The following TTC28 variants were observed in gnomAD, a reference collection of about 807,000 sequenced individuals.
TTC28 encodes the protein tetratricopeptide repeat domain 28.
In TTC28, 61 loss-of-function variants were observed where a neutral mutation model predicts 198.0. The observed-to-expected ratio is 0.31, with a 90% CI of 0.25 to 0.38. The LOEUF is 0.38. Ranked by LOEUF, TTC28 falls within the 10% of genes least tolerant of loss-of-function variation. The pLI is 1.00. For synonymous variants in TTC28, 1,171 were observed against 1,297.8 expected, an observed-to-expected ratio of 0.90 and a Z score of 2.10; for missense variants, 2,678 against 3,164.0, an observed-to-expected ratio of 0.85 and a Z score of 3.69.
At chr22:28,505,162 CAGG>C (rs1415043939) in intron 2 of TTC28, among the ~76,000 whole-genome samples, 2 of 143,006 alleles carry the variant, frequency 1.4e-5, no homozygotes. Flanking sequence ...GAGGGTGAGG[CAGG>C]AGAACTGCTT....
intron 6 of TTC28, among the ~76,000 whole-genome samples, chr22:28,109,135 ATAACAATACACG>A (rs1165585289): frequency 3.3e-5 from 5 of 152,244 alleles, no homozygotes; most frequent in African/African-American, 1.2e-4. Context: ...AAAAGATTGC[ATAACAATACACG>A]TAACAACCTT....
chr22:28,335,945 T>G (rs1320881020), intron 2 of TTC28, among the ~76,000 whole-genome samples: 2 of 152,232 alleles, frequency 1.3e-5, no homozygotes, highest in South Asian at 4.1e-4. Flanking sequence ...TTCCAGTTTT[T>G]GGCCATTCAG....
chr22:28,222,831 C>A (rs902961502), intron 5 of TTC28, among the ~76,000 whole-genome samples: 8 of 152,144 alleles, frequency 5.3e-5, no homozygotes, highest in African/African-American at 1.9e-4. Flanking sequence ...CTGTACAAGC[C>A]CTTTTCAGCC....
chr22:28,469,766 A>T (rs1213237643), intron 2 of TTC28, among the ~76,000 whole-genome samples: 4 of 152,218 alleles, frequency 2.6e-5, no homozygotes, highest in Admixed American at 2.6e-4. Context: ...GAGCCTAGTG[A>T]AATTAATTTC....
At chr22:28,561,616 G>A (rs555043419) in intron 2 of TTC28, among the ~76,000 whole-genome samples, 3 of 152,022 alleles carry the variant, frequency 2.0e-5, no homozygotes, top group African/African-American at 4.8e-5. Context: ...GTTCCCCATC[G>A]CCTCTTAGGT....
At chr22:28,207,829 C>T (rs1034384472) in intron 5 of TTC28, among the ~76,000 whole-genome samples, 2 of 151,970 alleles carry the variant, frequency 1.3e-5, no homozygotes, top group African/African-American at 4.8e-5. Context: ...TTAAATGAAT[C>T]ACATAGACTG....
At chr22:28,454,987 G>A (rs1333848753) in intron 2 of TTC28, among the ~76,000 whole-genome samples, 1 of 152,056 alleles carries the variant, frequency 6.6e-6, no homozygotes, top group Non-Finnish European at 1.5e-5. Context: ...TATATAAATG[G>A]GTCAGAGAGT....
chr22:28,063,239 T>C (rs971818452), intron 12 of TTC28, among the ~76,000 whole-genome samples: 1 of 152,222 alleles, frequency 6.6e-6, no homozygotes, highest in African/African-American at 2.4e-5. Flanking sequence ...TTCCACTCTC[T>C]AGGTCTTTCC....
At chr22:28,122,949 G>A (rs1051157670) in intron 6 of TTC28, among the ~76,000 whole-genome samples, 1 of 152,154 alleles carries the variant, frequency 6.6e-6, no homozygotes, top group African/African-American at 2.4e-5. Flanking sequence ...TATGGCTTTT[G>A]GTTGTATTAC....
intron 2 of TTC28, among the ~76,000 whole-genome samples, chr22:28,388,339 G>C (rs541137275): frequency 3.2e-4 from 49 of 152,260 alleles, no homozygotes; most frequent in Non-Finnish European, 6.0e-4. Flanking sequence ...CTCTTTTTTA[G>C]TTCCATATGA....
intron 2 of TTC28, among the ~76,000 whole-genome samples, chr22:28,345,805 G>A (rs939324482): frequency 3.3e-5 from 5 of 152,102 alleles, no homozygotes; most frequent in Non-Finnish European, 7.4e-5. Context: ...GAACAGTAAC[G>A]TAGTACAACC....
chr22:28,306,421 G>A (rs746706213), intron 3 of TTC28, 75 bp downstream of exon 3: 4 of 1,462,750 alleles, frequency 2.7e-6, no homozygotes, highest in Admixed American at 5.3e-5. Context: ...CTCTGTGCCT[G>A]AGCCTAAAGT....
intron 5 of TTC28, among the ~76,000 whole-genome samples, chr22:28,260,903 C>T (rs1931271605): frequency 6.6e-6 from 1 of 152,136 alleles, no homozygotes; most frequent in Non-Finnish European, 1.5e-5. Context: ...GCACCATCAC[C>T]TACTCCTACT....
intron 6 of TTC28, among the ~76,000 whole-genome samples, chr22:28,159,581 C>A (rs941798203): frequency 2.6e-5 from 4 of 151,726 alleles, no homozygotes; most frequent in Non-Finnish European, 5.9e-5. Context: ...ATCGCTGGAA[C>A]CCAGGAGGCA....
At chr22:28,389,102 T>A (rs1018940213) in intron 2 of TTC28, among the ~76,000 whole-genome samples, 14 of 152,204 alleles carry the variant, frequency 9.2e-5, no homozygotes, top group Non-Finnish European at 1.5e-5. Flanking sequence ...GAGATAATCA[T>A]GTGGTTTTTG....
intron 5 of TTC28, among the ~76,000 whole-genome samples, chr22:28,236,086 G>A (rs945696244): frequency 1.3e-5 from 2 of 152,050 alleles, no homozygotes; most frequent in South Asian, 2.1e-4. Context: ...CAAATGCCTC[G>A]TAATGATTAC....
chr22:28,170,511 A>G (rs968148010), intron 5 of TTC28, among the ~76,000 whole-genome samples: 1 of 152,014 alleles, frequency 6.6e-6, no homozygotes, highest in South Asian at 2.1e-4. Context: ...AAAGAAAAAA[A>G]GAAAATCGAA....
At chr22:28,594,398 T>G (rs2050499336) in intron 2 of TTC28, among the ~76,000 whole-genome samples, 1 of 151,874 alleles carries the variant, frequency 6.6e-6, no homozygotes, top group African/African-American at 2.4e-5. Flanking sequence ...TTTAATTAGA[T>G]AATGTAACAT....
chr22:28,318,776 A>G (rs1405878117), intron 2 of TTC28, among the ~76,000 whole-genome samples: 2 of 148,430 alleles, frequency 1.3e-5, no homozygotes, highest in East Asian at 4.0e-4. Context: ...ATCATATAAC[A>G]TGGGACGGAG....
Sources: allele counts gnomAD v4.1 joint callset (sites outside exome capture counted in the v4.1 genomes callset), GRCh38; gene constraint gnomAD v4.1.1; transcripts MANE v1.5; gene names NCBI Gene and HGNC (gene_info 2026-07-23, HGNC 2026-07-21).